PDE7B: variants seen among roughly 807,000 people sequenced by gnomAD.
PDE7B encodes the protein 3',5'-cyclic-AMP phosphodiesterase 7B.
PDE7B carries 29 observed loss-of-function variants against 56.2 expected under a neutral mutation model. The ratio of observed to expected loss-of-function variants is 0.52; its 90% CI spans 0.38 to 0.70. The LOEUF (loss-of-function observed/expected upper bound fraction) is 0.70, where lower values mean the gene tolerates loss of function less well. Among genes scored for constraint, PDE7B ranks in the 30% least tolerant of loss-of-function variants. The pLI is 0.00. For missense variants in PDE7B, 490 were observed against 565.0 expected (o/e 0.87, Z 1.35); for synonymous variants, 197 against 196.9 (o/e 1.00, Z 0.00).
intron 1 of PDE7B, among the ~76,000 whole-genome samples, chr6:135,939,293 C>CT (rs759868766): frequency 6.8e-6 from 1 of 146,780 alleles, no homozygotes. Flanking sequence ...TATCTTTTTT[C>CT]TTTTTTTTCT....
chr6:135,919,457 AT>A (rs543532051), intron 1 of PDE7B, among the ~76,000 whole-genome samples: 15 of 152,178 alleles, frequency 9.9e-5, no homozygotes, highest in Admixed American at 2.0e-4. Flanking sequence ...TCTACACTTA[AT>A]CATGTCCTCA....
chr6:136,038,187 GCAGCAGCAGCAGCAGCAGAAGCAGAAA>G (rs1439656832), intron 2 of PDE7B: 11 of 1,235,660 alleles, frequency 8.9e-6, no homozygotes, highest in South Asian at 2.5e-5. Flanking sequence ...CCCTGTGGTA[GCAGCAGCAGCAGCAGCAGAAGCAGAAA>G]CAGCAGCAGC....
intron 2 of PDE7B, among the ~76,000 whole-genome samples, chr6:135,972,688 C>T (rs10080318): frequency 0.074 from 11,266 of 152,090 alleles, 752 homozygotes; most frequent in African/African-American, 0.18. Flanking sequence ...TGGTCAGAAA[C>T]GAACCATCTT....
intron 2 of PDE7B, among the ~76,000 whole-genome samples, chr6:136,015,599 C>T (rs567829411): frequency 6.6e-6 from 1 of 152,108 alleles, no homozygotes; most frequent in Non-Finnish European, 1.5e-5. Context: ...ATGAAGTTAG[C>T]AAGAGAACGA....
intron 1 of PDE7B, among the ~76,000 whole-genome samples, chr6:135,922,904 C>T (rs1774113214): frequency 1.3e-5 from 2 of 152,098 alleles, no homozygotes; most frequent in African/African-American, 4.8e-5. Flanking sequence ...TGCAGTATGA[C>T]TTTACGATTT....
At chr6:135,900,963 G>A (rs1775989631) in intron 1 of PDE7B, among the ~76,000 whole-genome samples, 1 of 152,140 alleles carries the variant, frequency 6.6e-6, no homozygotes, top group Non-Finnish European at 1.5e-5. Flanking sequence ...TTTGAATGCT[G>A]TTGGCCCTTC....
rs36015213 is a variant in PDE7B, at chr6:136,031,738, C to CAAA, written c.83-76976_83-76974dup. On this transcript the variant is annotated intron_variant, in intron 2 of 12. Transcript: ENST00000308191. ...TGGGCGACAGAGCGAGACTCCGTCT[C>CAAA]AAAAAAAAAAAAAAAAAAAGAAGGC... Among the ~76,000 whole-genome samples the CAAA allele has an allele frequency of 5.6e-3, 613 of 109,934 alleles. 6 individuals carry two copies. Among genetic ancestry groups the CAAA allele is most frequent in the Middle Eastern group, 0.03 (6 of 198 alleles). 72.1% of individuals were successfully genotyped at this position (109,934 alleles called of 152,430 possible).
chr6:136,008,952 G>T (rs1357781150), intron 2 of PDE7B, among the ~76,000 whole-genome samples: 1 of 151,934 alleles, frequency 6.6e-6, no homozygotes, highest in East Asian at 1.9e-4. Context: ...TTCTTCTAGG[G>T]TTTTTATGGT....
At chr6:136,064,651 A>C (rs1419235424) in intron 2 of PDE7B, 2 of 152,202 alleles carry the variant, frequency 1.3e-5, no homozygotes, top group Admixed American at 1.3e-4. Flanking sequence ...AACAGAGGTA[A>C]GACAATCAGC....
intron 2 of PDE7B, among the ~76,000 whole-genome samples, chr6:136,000,041 A>G (rs1430416806): frequency 1.3e-5 from 2 of 152,106 alleles, no homozygotes; most frequent in Non-Finnish European, 2.9e-5. Context: ...GGCCACATGT[A>G]TGTCTTTAGA....
chr6:136,156,602 A>G (rs1428784044), intron 8 of PDE7B, among the ~76,000 whole-genome samples: 1 of 152,192 alleles, frequency 6.6e-6, no homozygotes, highest in East Asian at 1.9e-4. Context: ...CACCTGTTCA[A>G]CTGGTCTTAG....
chr6:135,888,763 C>T (rs763623851), intron 1 of PDE7B, among the ~76,000 whole-genome samples: 11 of 152,056 alleles, frequency 7.2e-5, no homozygotes, highest in Non-Finnish European at 1.2e-4. Context: ...CTAATGTCAA[C>T]AGTAGGTGTA....
chr6:135,979,357 G>T (rs1177113942), intron 2 of PDE7B, among the ~76,000 whole-genome samples: 2 of 151,792 alleles, frequency 1.3e-5, no homozygotes, highest in Non-Finnish European at 2.9e-5. Context: ...TTGTGTCTCT[G>T]CCCGGCTTTG....
intron 2 of PDE7B, among the ~76,000 whole-genome samples, chr6:136,090,986 A>T (rs1009035700): frequency 1.3e-5 from 2 of 152,206 alleles, no homozygotes; most frequent in Non-Finnish European, 2.9e-5. Context: ...AAGTGTCCAA[A>T]TTCCAACAGG....
chr6:136,152,237 G>A (rs954902301), intron 6 of PDE7B, among the ~76,000 whole-genome samples: 1 of 152,180 alleles, frequency 6.6e-6, no homozygotes, highest in Non-Finnish European at 1.5e-5. Flanking sequence ...TTTCAAAGAA[G>A]ATACTGGTCT....
intron 3 of PDE7B, among the ~76,000 whole-genome samples, chr6:136,140,511 G>A (rs1778302496): frequency 6.6e-6 from 1 of 152,202 alleles, no homozygotes; most frequent in African/African-American, 2.4e-5. Flanking sequence ...TATGAAGAAA[G>A]TCATTGGTAG....
At chr6:135,869,566 T>C (rs899712665) in intron 1 of PDE7B, among the ~76,000 whole-genome samples, 1 of 152,188 alleles carries the variant, frequency 6.6e-6, no homozygotes, top group African/African-American at 2.4e-5. Flanking sequence ...CCCATCCCCA[T>C]GAAGCTTGCA....
At chr6:135,864,139 G>T (rs1466618892) in intron 1 of PDE7B, among the ~76,000 whole-genome samples, 2 of 151,984 alleles carry the variant, frequency 1.3e-5, no homozygotes, top group African/African-American at 4.8e-5. Flanking sequence ...TGCGGTTACA[G>T]GATGCATCTA....
chr6:135,920,185 G>A (rs183584761), intron 1 of PDE7B, among the ~76,000 whole-genome samples: 3 of 152,022 alleles, frequency 2.0e-5, no homozygotes, highest in Admixed American at 2.0e-4. Flanking sequence ...AATTTCATTG[G>A]CAAAAGAGAA....
Sources: gnomAD v4.1 joint callset for allele counts (sites outside exome capture counted in the v4.1 genomes callset) on GRCh38, gnomAD v4.1.1 for gene constraint, MANE v1.5 for transcripts, NCBI Gene and HGNC (gene_info 2026-07-23, HGNC 2026-07-21) for gene names.